Variants in NPFFR2 observed in about 807,000 individuals in gnomAD.
NPFFR2 encodes the protein neuropeptide FF receptor 2, also known as G-protein coupled receptor 74.
In NPFFR2, 15 loss-of-function variants were observed where a neutral mutation model predicts 13.1. The observed-to-expected ratio is 1.15, with a 90% confidence interval of 0.77 to 1.76. NPFFR2 has a LOEUF of 1.76. Among genes scored for constraint, NPFFR2 ranks in the 40% most tolerant of loss-of-function variants. NPFFR2 has a pLI of 0.00. For synonymous variants in NPFFR2, 190 were observed against 175.7 expected (o/e 1.08, Z -0.65); for missense variants, 572 against 503.5 (o/e 1.14, Z -1.30).
intron 1 of NPFFR2, among the ~76,000 whole-genome samples, chr4:72,102,205 C>T (rs148308170): frequency 0.018 from 2,736 of 151,948 alleles, 89 homozygotes; most frequent in African/African-American, 0.062. Context: ...GACAAGATTA[C>T]GAGATCAATT....
chr4:72,080,140 TG>T (rs1446392943), intron 1 of NPFFR2, among the ~76,000 whole-genome samples: 4 of 29,370 alleles, frequency 1.4e-4, no homozygotes, highest in East Asian at 5.6e-4. Flanking sequence ...ACCTGTTTTT[TG>T]TTGTTGTTGT....
chr4:72,138,058 C>T lies in NPFFR2; in HGVS notation c.347C>T (p.Thr116Met), dbSNP rs754545539. The T allele has an allele frequency of 1.4e-5, 22 of 1,612,822 alleles. No individual in the cohort carries two copies. The highest frequency in any genetic ancestry group is 6.6e-5 in the South Asian group (6 of 90,924). Residue 116 changes from threonine to methionine, a missense_variant, in exon 3 of 4, where the codon ACG becomes ATG. By Grantham distance (81) the Thr-to-Met change is moderately conservative. Coordinates refer to ENST00000308744, the MANE Select transcript of NPFFR2 (RefSeq NM_004885.3). ...CTTTCAGGATGGCCATTTGGAAACACGATGTGCAAGATCAGTGGATTGGTC... is the reference window on the plus strand; with the variant it reads ...CTTTCAGGATGGCCATTTGGAAACATGATGTGCAAGATCAGTGGATTGGTC... ...NIIAGWPFGN[T>M]MCKISGLVQG... is the part of the protein sequence containing the mutation.
intron 1 of NPFFR2, among the ~76,000 whole-genome samples, chr4:72,083,137 T>C (rs1720677239): frequency 6.6e-6 from 1 of 152,186 alleles, no homozygotes; most frequent in South Asian, 2.1e-4. Flanking sequence ...CTGTGAATAA[T>C]GCTCCAATGA....
chr4:72,143,459 C>T lies in NPFFR2; in HGVS notation c.429-3519C>T, dbSNP rs146201612. ...AGTCAGGGAAAAAAGGGGGCAAATT[C>T]CTCCTTCCTCTACTTCTTGTTCTAT... On this transcript the variant is annotated intron_variant, in intron 3 of 3. Coordinates refer to ENST00000308744, the MANE Select transcript of NPFFR2 (RefSeq NM_004885.3). 2.6e-3 allele frequency among the ~76,000 whole-genome samples: 402 copies of T among 152,250 alleles called. 3 individuals carry two copies. The highest frequency in any genetic ancestry group is 9.1e-3 in the African/African-American group (379 of 41,546).
At chr4:72,047,269 C>CT (rs1719406214) in intron 1 of NPFFR2, among the ~76,000 whole-genome samples, 1 of 152,038 alleles carries the variant, frequency 6.6e-6, no homozygotes, top group African/African-American at 2.4e-5. Context: ...AAGCCAGGTG[C>CT]TATATATCAA....
chr4:72,147,124 T>G lies in NPFFR2; in HGVS notation c.575T>G (p.Val192Gly), dbSNP rs1722806141. 1 of 1,613,920 alleles carries G rather than the reference T, an allele frequency of 6.2e-7. No individual in the cohort carries two copies. Among genetic ancestry groups the G allele is most frequent in the Non-Finnish European group, 8.5e-7 (1 of 1,180,010 alleles). The change falls in exon 4 of 4, where the codon GTG (valine) becomes GGG (glycine). Residue 192 changes from valine (V) to glycine (G), a missense_variant. Coordinates refer to ENST00000308744, the MANE Select transcript of NPFFR2 (RefSeq NM_004885.3). ...LHVQEEKYYR[V>G]RLNSQNKTSP... ...GTGCAAGAAGAAAAATATTACCGAG[T>G]GAGACTCAACTCCCAGAATAAAACC...
chr4:72,034,252 C>T (rs1395617916), intron 1 of NPFFR2, among the ~76,000 whole-genome samples: 1 of 152,136 alleles, frequency 6.6e-6, no homozygotes, highest in African/African-American at 2.4e-5. Flanking sequence ...AAAGGACTGC[C>T]TGAGACTGGG....
intron 1 of NPFFR2, among the ~76,000 whole-genome samples, chr4:72,124,578 T>C (rs1721980145): frequency 1.3e-5 from 2 of 152,052 alleles, no homozygotes; most frequent in South Asian, 4.2e-4. Flanking sequence ...AAAACAGATA[T>C]ATAGACCGTG....
intron 3 of NPFFR2, chr4:72,146,638 C>T: frequency 9.6e-6 from 2 of 208,514 alleles, no homozygotes; most frequent in Non-Finnish European, 1.9e-5. Context: ...TTTACATTTC[C>T]AAGTCTGTTT....
At position 72,148,131 on chromosome 4, in the gene NPFFR2, ATGTGTG is replaced by A; in HGVS notation, c.*325_*330del. 4.7e-6 allele frequency: 1 copy of A among 213,806 alleles called. No individual in the cohort carries two copies. The highest frequency in any genetic ancestry group is 1.7e-3 in the Middle Eastern group (1 of 586). 13.2% of individuals were successfully genotyped at this position (213,806 alleles called of 1,614,324 possible). On this transcript the variant is annotated 3_prime_UTR_variant, in exon 4 of 4. Coordinates refer to ENST00000308744, the MANE Select transcript of NPFFR2 (RefSeq NM_004885.3). ...AAATCAAGCCTGCACGCGTGCGTGC[ATGTGTG>A]TGTGTATTTTCCCCAAATGGTGATG...
chr4:72,068,557 G>A (rs1488807389), intron 1 of NPFFR2, among the ~76,000 whole-genome samples: 2 of 152,166 alleles, frequency 1.3e-5, no homozygotes, highest in Non-Finnish European at 2.9e-5. Flanking sequence ...TGAGAGCAGG[G>A]CCCTCTCTGT....
At chr4:72,040,457 T>A (rs1425668444) in intron 1 of NPFFR2, among the ~76,000 whole-genome samples, 1 of 152,162 alleles carries the variant, frequency 6.6e-6, no homozygotes, top group East Asian at 1.9e-4. Context: ...GATCTATATT[T>A]GTATCCTTGA....
chr4:72,089,323 TC>T (rs1720851752), intron 1 of NPFFR2, among the ~76,000 whole-genome samples: 1 of 152,186 alleles, frequency 6.6e-6, no homozygotes, highest in African/African-American at 2.4e-5. Context: ...TGGCTTATTT[TC>T]CTCTGGGAAG....
intron 1 of NPFFR2, among the ~76,000 whole-genome samples, chr4:72,117,980 T>C (rs1242433497): frequency 6.6e-6 from 1 of 151,640 alleles, no homozygotes; most frequent in Non-Finnish European, 1.5e-5. Context: ...TTAAAAATGG[T>C]TTTAAAGCCA....
intron 2 of NPFFR2, among the ~76,000 whole-genome samples, chr4:72,137,261 A>C (rs553876843): frequency 3.3e-5 from 5 of 152,322 alleles, no homozygotes; most frequent in Non-Finnish European, 7.4e-5. Context: ...AATAAATTTC[A>C]AAACTCTGAG....
Position 72,120,101 on chromosome 4 carries a change from C to G in NPFFR2, c.-7-8484C>G, listed in dbSNP as rs138397676. ...GGCTCCAGCTTAGTGGGGGGAGGGA[C>G]GTCCACCATTACTGAGGCTTGAGTA... On this transcript the variant is annotated intron_variant, in intron 1 of 3. Coordinates refer to ENST00000308744, the MANE Select transcript of NPFFR2 (RefSeq NM_004885.3). Among the ~76,000 whole-genome samples, 656 of 152,226 alleles carry G rather than the reference C, an allele frequency of 4.3e-3. 6 individuals carry two copies. Among genetic ancestry groups the G allele is most frequent in the African/African-American group, 0.015 (625 of 41,560 alleles).
intron 1 of NPFFR2, among the ~76,000 whole-genome samples, chr4:72,086,609 T>G (rs1720779570): frequency 6.6e-6 from 1 of 152,160 alleles, no homozygotes; most frequent in Non-Finnish European, 1.5e-5. Context: ...GTCTATTCAC[T>G]TCAGTATTTT....
In NPFFR2 at chr4:72,053,295, G is replaced by C. The variant is rs1719644192; in HGVS notation, c.-8+21095G>C. 2.6e-5 allele frequency among the ~76,000 whole-genome samples: 4 copies of C among 151,936 alleles called. No individual in the cohort carries two copies. The South Asian group carries it at 8.3e-4, about 32-fold the overall frequency. ...TCAAGCTCCCAGATCTCCAGGCTAT[G>C]TGGAGAACAAAGTGAATCTGGGGGA... is the stretch of plus-strand genomic sequence containing the variant. On this transcript the variant is annotated intron_variant, in intron 1 of 3. Coordinates refer to ENST00000308744, the MANE Select transcript of NPFFR2 (RefSeq NM_004885.3).
At chr4:72,074,610 A>G (rs1022431748) in intron 1 of NPFFR2, among the ~76,000 whole-genome samples, 1 of 152,042 alleles carries the variant, frequency 6.6e-6, no homozygotes. Context: ...CGTATCCCCT[A>G]TGGGTAAAGG....
Sources: gnomAD v4.1 joint callset for allele counts (sites outside exome capture counted in the v4.1 genomes callset) on GRCh38, gnomAD v4.1.1 for gene constraint, MANE v1.5 for transcripts, NCBI Gene and HGNC (gene_info 2026-07-23, HGNC 2026-07-21) for gene names.